Variants in UNC13C observed in about 807,000 individuals in gnomAD.
UNC13C encodes unc-13 homolog C.
Under a neutral mutation model 245.4 loss-of-function variants are expected in UNC13C, and 174 were observed. The observed-to-expected ratio is 0.71, with a 90% confidence interval of 0.63 to 0.80. The LOEUF (loss-of-function observed/expected upper bound fraction) is 0.80, where lower values mean the gene tolerates loss of function less well. Among genes scored for constraint, UNC13C ranks in the 30% least tolerant of loss-of-function variants. The pLI, the probability that UNC13C is intolerant of heterozygous loss-of-function variation, is 0.00. For synonymous variants in UNC13C, 992 were observed against 895.1 expected (o/e 1.11, Z -1.93); for missense variants, 2,829 against 2,602.9 (o/e 1.09, Z -1.89).
intron 2 of UNC13C, among the ~76,000 whole-genome samples, chr15:54,077,231 G>A: frequency 6.6e-6 from 1 of 151,918 alleles, no homozygotes; most frequent in African/African-American, 2.4e-5. Flanking sequence ...CTCTAAAAAT[G>A]CATTCTTAAT....
At chr15:54,062,663 A>G (rs1897896239) in intron 2 of UNC13C, among the ~76,000 whole-genome samples, 1 of 152,218 alleles carries the variant, frequency 6.6e-6, no homozygotes, top group Admixed American at 6.5e-5. Flanking sequence ...GACCAGCAGT[A>G]TGAGCATCAA....
chr15:54,618,791 ATAG>A (rs1900614832), intron 30 of UNC13C, among the ~76,000 whole-genome samples: 1 of 152,196 alleles, frequency 6.6e-6, no homozygotes, highest in South Asian at 2.1e-4. Context: ...AAGTATATGT[ATAG>A]TTCTTTTCAC....
intron 4 of UNC13C, among the ~76,000 whole-genome samples, chr15:54,222,857 C>T (rs1283686020): frequency 6.6e-6 from 1 of 152,054 alleles, no homozygotes; most frequent in Non-Finnish European, 1.5e-5. Context: ...TGTTTGAGCA[C>T]ATTTTCATAT....
intron 19 of UNC13C, among the ~76,000 whole-genome samples, chr15:54,445,643 G>GT (rs775020998): frequency 1.3e-5 from 2 of 152,090 alleles, no homozygotes; most frequent in Non-Finnish European, 2.9e-5. Context: ...TGATGGGGTT[G>GT]TTTTTTTCTT....
At chr15:54,421,761 T>C (rs1596352155) in intron 19 of UNC13C, among the ~76,000 whole-genome samples, 1 of 152,168 alleles carries the variant, frequency 6.6e-6, no homozygotes, top group African/African-American at 2.4e-5. Flanking sequence ...TAAAACTTGG[T>C]TTATTTGATA....
chr15:54,551,200 A>C (rs1434957848), intron 28 of UNC13C, among the ~76,000 whole-genome samples: 1 of 152,114 alleles, frequency 6.6e-6, no homozygotes, highest in African/African-American at 2.4e-5. Flanking sequence ...ATACGTTGCC[A>C]TAACAGACCT....
chr15:53,876,343 G>A, the UNC13C span, among the ~76,000 whole-genome samples: 8 of 152,066 alleles, frequency 5.3e-5, 1 homozygote, highest in South Asian at 4.1e-4. Context: ...TCTCAAAATC[G>A]GACCTTCTCA....
chr15:54,366,427 G>A (rs1268643182), intron 17 of UNC13C, among the ~76,000 whole-genome samples: 1 of 152,120 alleles, frequency 6.6e-6, no homozygotes, highest in Admixed American at 6.5e-5. Context: ...AGGAAAAAAA[G>A]CATTTCTACC....
intron 25 of UNC13C, among the ~76,000 whole-genome samples, chr15:54,526,535 T>C (rs1375362902): frequency 6.6e-6 from 1 of 151,806 alleles, no homozygotes; most frequent in African/African-American, 2.4e-5. Flanking sequence ...ATCGAGACCA[T>C]CCTGGCTAAT....
At chr15:54,243,289 C>T (rs2035906516) in intron 7 of UNC13C, among the ~76,000 whole-genome samples, 1 of 152,186 alleles carries the variant, frequency 6.6e-6, no homozygotes, top group African/African-American at 2.4e-5. Flanking sequence ...CCAGCTCCAT[C>T]CATGTCCCTA....
intron 2 of UNC13C, among the ~76,000 whole-genome samples, chr15:54,069,860 G>GT (rs1898238615): frequency 6.6e-6 from 1 of 152,234 alleles, no homozygotes; most frequent in Non-Finnish European, 1.5e-5. Context: ...TCAATCTTCT[G>GT]TAAGAACCTT....
intron 8 of UNC13C, among the ~76,000 whole-genome samples, chr15:54,256,135 T>A (rs1250477779): frequency 6.6e-6 from 1 of 152,216 alleles, no homozygotes; most frequent in Non-Finnish European, 1.5e-5. Flanking sequence ...ATTTTCCTCA[T>A]CTGTGAAAAC....
chr15:54,150,317 T>C (rs1162583671), intron 4 of UNC13C, among the ~76,000 whole-genome samples: 6 of 152,224 alleles, frequency 3.9e-5, no homozygotes, highest in Admixed American at 3.9e-4. Context: ...TTGGGCACAA[T>C]CATGCCACAA....
At chr15:53,867,269 G>A in the UNC13C span, among the ~76,000 whole-genome samples, 5 of 152,060 alleles carry the variant, frequency 3.3e-5, no homozygotes, top group African/African-American at 1.2e-4. Flanking sequence ...ACACAAATAA[G>A]CAATGAACAA....
At chr15:54,002,070 A>C (rs997777945) in intron 1 of UNC13C, among the ~76,000 whole-genome samples, 4 of 152,146 alleles carry the variant, frequency 2.6e-5, no homozygotes, top group Non-Finnish European at 5.9e-5. Flanking sequence ...GTGGATCACG[A>C]AGTCAGGAGA....
intron 13 of UNC13C, among the ~76,000 whole-genome samples, chr15:54,316,231 T>G (rs1158562103): frequency 2.0e-5 from 3 of 151,938 alleles, no homozygotes; most frequent in Non-Finnish European, 1.5e-5. Flanking sequence ...CCCCTCAGAC[T>G]TATCTTTGGC....
chr15:54,501,279 G>A (rs1026816840), intron 22 of UNC13C, among the ~76,000 whole-genome samples: 1 of 152,094 alleles, frequency 6.6e-6, no homozygotes. Context: ...TTTTCTAGCT[G>A]AAAGTAAGCC....
chr15:54,264,800 G>C (rs1483643893), intron 9 of UNC13C, among the ~76,000 whole-genome samples: 1 of 151,776 alleles, frequency 6.6e-6, no homozygotes, highest in Non-Finnish European at 1.5e-5. Context: ...CCTCGAGTCA[G>C]GACAATTTGA....
At chr15:54,485,459 A>G (rs1458129149) in intron 19 of UNC13C, among the ~76,000 whole-genome samples, 1 of 152,174 alleles carries the variant, frequency 6.6e-6, no homozygotes, top group Admixed American at 6.6e-5. Context: ...CACAATCATC[A>G]CTGCTACCAC....
Sources: allele counts gnomAD v4.1 joint callset (sites outside exome capture counted in the v4.1 genomes callset), GRCh38; gene constraint gnomAD v4.1.1; transcripts MANE v1.5; gene names NCBI Gene and HGNC (gene_info 2026-07-23, HGNC 2026-07-21).